The following ACAN variants were observed in gnomAD, a reference collection of about 807,000 sequenced individuals.
ACAN encodes aggrecan, also known as aggrecan core protein.
ACAN carries 47 observed loss-of-function variants against 169.1 expected under a neutral mutation model. The ratio of observed to expected loss-of-function variants is 0.28; its 90% CI spans 0.22 to 0.35. The LOEUF (loss-of-function observed/expected upper bound fraction) is 0.35, where lower values mean the gene tolerates loss of function less well. Ranked by LOEUF, ACAN falls within the 10% of genes least tolerant of loss-of-function variation. ACAN has a pLI of 1.00. For missense variants in ACAN, 2,716 were observed against 2,759.9 expected (o/e 0.98, Z 0.36); for synonymous variants, 1,115 against 1,112.2 (o/e 1.00, Z -0.05).
chr15:88,840,999 G>T (rs1046334239), intron 4 of ACAN, among the ~76,000 whole-genome samples: 1 of 152,112 alleles, frequency 6.6e-6, no homozygotes, highest in Non-Finnish European at 1.5e-5. Context: ...CAAAAAATTA[G>T]CCAGGCGTGG....
At chr15:88,836,160 C>T (rs943627727) in intron 1 of ACAN, 40 bp from the exon 2 acceptor site, 10 of 1,486,626 alleles carry the variant, frequency 6.7e-6, no homozygotes, top group African/African-American at 1.4e-5. Context: ...CTCACCATGC[C>T]TTCACTGTCT....
At chr15:88,811,092 G>A (rs1895809219) in intron 1 of ACAN, among the ~76,000 whole-genome samples, 1 of 152,146 alleles carries the variant, frequency 6.6e-6, no homozygotes, top group Admixed American at 6.5e-5. Context: ...TCTCCAAGGT[G>A]GTTTGTATAG....
intron 2 of ACAN, among the ~76,000 whole-genome samples, chr15:88,837,690 A>G (rs1567174300): frequency 6.6e-6 from 1 of 152,204 alleles, no homozygotes; most frequent in African/African-American, 2.4e-5. Flanking sequence ...TCGGAGGAAG[A>G]TGCCTGTGGA....
intron 1 of ACAN, among the ~76,000 whole-genome samples, chr15:88,832,782 A>G (rs1338982066): frequency 1.3e-5 from 2 of 152,156 alleles, no homozygotes; most frequent in African/African-American, 2.4e-5. Context: ...CCTCTCTACA[A>G]CCACTAAACT....
rs1897354151 is a variant in ACAN, at chr15:88,870,458, G to C, written c.7061-924G>C. Among the ~76,000 whole-genome samples the C allele has an allele frequency of 1.3e-5, 2 of 152,204 alleles. No individual in the cohort carries two copies. The highest frequency in any genetic ancestry group is 4.8e-5 in the African/African-American group (2 of 41,450). On this transcript the variant is annotated intron_variant, in intron 14 of 18. Transcript: ENST00000560601. The surrounding 1 kb of genome is among the most constrained non-coding windows in gnomAD (Gnocchi z 6.3). ...CTCTCATAGAGGAGAAAGGAGCCCT[G>C]ATTGTAGCATCTGCCAATTCCTGAG...
rs377338540 is a variant in ACAN at position 88,849,453 on chromosome 15, C to A, written c.1748C>A (p.Ala583Asp). ...CTGCCCCCAGGGGAGGTGTTCTTCG[C>A]CACACGCCTTGAGCAGTTCACCTTC... Reference protein sequence around the residue: ...VDRLEGEVFFATRLEQFTFQE... With the variant: ...VDRLEGEVFFDTRLEQFTFQE... Residue 583 changes from alanine (A) to aspartate (D), a missense_variant, in exon 10 of 19, where the codon GCC (alanine) becomes GAC (aspartate). Physicochemically the swap from Ala to Asp is moderately radical, Grantham distance 126. Around this residue, in one of 3 missense-constraint regions of ACAN, gnomAD observed 1,283 missense variants for 1,281.5 expected, o/e 1.00. Transcript: ENST00000560601. The surrounding 1 kb of genome is among the most constrained non-coding windows in gnomAD (Gnocchi z 5.1). 5.7e-6 allele frequency: 9 copies of A among 1,592,822 alleles called. No homozygotes were observed. Among genetic ancestry groups the A allele is most frequent in the Non-Finnish European group, 7.7e-6 (9 of 1,165,878 alleles).
At position 88,857,125 on chromosome 15, in the gene ACAN, G is replaced by A; in HGVS notation, c.4540G>A (p.Gly1514Ser). ...TGTCAGTGAACTTCCTTCAGGAGAAGGTCTAGAGACCTCTGCTTCTGGAGT... is the reference window on the plus strand; with the variant it reads ...TGTCAGTGAACTTCCTTCAGGAGAAAGTCTAGAGACCTCTGCTTCTGGAGT... ...EDVSELPSGE[G>S]LETSASGVED... Residue 1514 changes from glycine (G) to serine (S), a missense_variant, in exon 12 of 19, where the codon GGT becomes AGT. Gly to Ser is a moderately conservative substitution (Grantham distance 56). This residue lies in a region of ACAN where 1,389 missense variants were observed against 1,363.7 expected (regional missense o/e 1.02). Coordinates refer to ENST00000560601, the MANE Select transcript of ACAN (RefSeq NM_001369268.1). The A allele has an allele frequency of 1.9e-6, 3 of 1,607,222 alleles. No individual in the cohort carries two copies. The highest frequency in any genetic ancestry group is 2.6e-6 in the Non-Finnish European group (3 of 1,175,628).
At chr15:88,850,191 T>C (rs1896900522) in intron 10 of ACAN, 1 of 291,474 alleles carries the variant, frequency 3.4e-6, no homozygotes, top group Non-Finnish European at 6.3e-6. Context: ...TATATAGCTT[T>C]ATTTTGTACA....
intron 1 of ACAN, among the ~76,000 whole-genome samples, chr15:88,817,221 A>G (rs1203892239): frequency 1.3e-5 from 2 of 152,250 alleles, no homozygotes; most frequent in East Asian, 3.9e-4. Context: ...GGCTCGCTGC[A>G]ACCTCTGCCT....
chr15:88,864,507 C>T (rs1279250004), intron 13 of ACAN, among the ~76,000 whole-genome samples: 1 of 152,144 alleles, frequency 6.6e-6, no homozygotes, highest in African/African-American at 2.4e-5. Context: ...CCTTCTGATC[C>T]ACCCGCCTTG....
rs1470354378 is a variant in ACAN at position 88,857,234 on chromosome 15, C to T, written c.4649C>T (p.Ser1550Phe). The change falls in exon 12 of 19, where the codon TCT (serine) becomes TTT (phenylalanine). Residue 1550 changes from serine (S) to phenylalanine (F), a missense_variant. Coordinates refer to ENST00000560601, the MANE Select transcript of ACAN (RefSeq NM_001369268.1). ...SGFGDLSGLP[S>F]GGEGLETSAS... Reference sequence around the variant, plus strand: ...TTTGGGGACCTCAGTGGACTTCCTTCTGGAGGAGAAGGTCTAGAGACCTCT... The same window carrying T: ...TTTGGGGACCTCAGTGGACTTCCTTTTGGAGGAGAAGGTCTAGAGACCTCT... The T allele has an allele frequency of 3.7e-6, 6 of 1,613,830 alleles. No individual in the cohort carries two copies. The South Asian group carries it at 5.5e-5, about 15-fold the overall frequency.
At position 88,865,808 on chromosome 15, in the gene ACAN, T is replaced by C. The variant is rs181684464; in HGVS notation, c.6947-2408T>C. On this transcript the variant is annotated intron_variant, in intron 13 of 18. Coordinates refer to ENST00000560601, the MANE Select transcript of ACAN (RefSeq NM_001369268.1). ...GGGCCATGCAGGGCCAGAACGGCCC[T>C]TCCAGCCAGAACAAGAGGAGATGAG... 1.2e-3 allele frequency among the ~76,000 whole-genome samples: 187 copies of C among 152,318 alleles called. 1 individual carries two copies. Among genetic ancestry groups the C allele is most frequent in the African/African-American group, 4.1e-3 (169 of 41,576 alleles).
chr15:88,871,242 C>G lies in ACAN; in HGVS notation c.7061-140C>G, dbSNP rs550736330. On this transcript the variant is annotated intron_variant, in intron 14 of 18. Coordinates refer to ENST00000560601, the MANE Select transcript of ACAN (RefSeq NM_001369268.1). This position sits in a 1 kb window ranked among gnomAD's most constrained non-coding sequence, Gnocchi z 7.8. ...AGACCAGTTTCCAACCTGAACTCCT[C>G]CAGCTGTGCCTCTCCCTTCCCTTGA... The G allele has an allele frequency of 9.7e-6, 12 of 1,234,434 alleles. No individual in the cohort carries two copies. In the South Asian group the frequency reaches 1.7e-4, roughly 18 times the overall value. 76.5% of individuals were successfully genotyped at this position (1,234,434 alleles called of 1,614,324 possible). A position where few individuals can be genotyped will look rare whatever the true frequency, so the allele number is the denominator to read the frequency against.
At chr15:88,867,626 G>T (rs1407136129) in intron 13 of ACAN, among the ~76,000 whole-genome samples, 1 of 152,170 alleles carries the variant, frequency 6.6e-6, no homozygotes, top group Non-Finnish European at 1.5e-5. Context: ...TGCAGCCCAA[G>T]AACTCTGATG....
chr15:88,832,538 A>AG (rs1240070454), intron 1 of ACAN, among the ~76,000 whole-genome samples: 1 of 152,182 alleles, frequency 6.6e-6, no homozygotes, highest in East Asian at 1.9e-4. Flanking sequence ...TGAACCTGGG[A>AG]GGCAGAGGTT....
intron 4 of ACAN, among the ~76,000 whole-genome samples, chr15:88,840,929 A>T: frequency 6.6e-6 from 1 of 152,286 alleles, no homozygotes; most frequent in South Asian, 2.1e-4. Flanking sequence ...CAGATCACGA[A>T]GTCAGGAGAT....
chr15:88,867,137 G>C (rs1454639140), intron 13 of ACAN, among the ~76,000 whole-genome samples: 1 of 152,218 alleles, frequency 6.6e-6, no homozygotes, highest in African/African-American at 2.4e-5. Flanking sequence ...AAGCAGAAGA[G>C]ATCCCCCAGG....
At chr15:88,852,174 A>G (rs2141596569) in intron 11 of ACAN, 141 bp downstream of exon 11, 15 of 1,294,846 alleles carry the variant, frequency 1.2e-5, no homozygotes, top group African/African-American at 1.5e-5. Flanking sequence ...GTGTTCTGCT[A>G]TGGGCAACTT....
rs1386497245 is a variant in ACAN at position 88,874,122 on chromosome 15, A to G, written c.7630+98A>G. 4 of 1,500,468 alleles carry G rather than the reference A, an allele frequency of 2.7e-6. No individual in the cohort carries two copies. Among genetic ancestry groups the G allele is most frequent in the South Asian group, 1.2e-5 (1 of 84,302 alleles). The allele number at this position is 1,500,468 out of a possible 1,614,324, so 92.9% of individuals were successfully genotyped here. A position where few individuals can be genotyped will look rare whatever the true frequency, so the allele number is the denominator to read the frequency against. On this transcript the variant is annotated intron_variant, in intron 18 of 18. Coordinates refer to ENST00000560601, the MANE Select transcript of ACAN (RefSeq NM_001369268.1). The surrounding 1 kb of genome is among the most constrained non-coding windows in gnomAD (Gnocchi z 7.3). ...CTCCTGGGGACCCTACACCGTCCAC[A>G]GGGTTGAGCAAGGGAAGGGAGGTCG...
Sources: gnomAD v4.1 joint callset for allele counts (sites outside exome capture counted in the v4.1 genomes callset) on GRCh38, gnomAD v4.1.1 for gene constraint, gnomAD v4.1.1 regional missense constraint, Gnocchi (gnomAD v3.1) non-coding constraint, MANE v1.5 for transcripts, NCBI Gene and HGNC (gene_info 2026-07-23, HGNC 2026-07-21) for gene names.